SSH2: variants seen among roughly 807,000 people sequenced by gnomAD.
SSH2 encodes protein phosphatase Slingshot homolog 2.
SSH2 carries 37 observed loss-of-function variants against 135.2 expected under a neutral mutation model. The observed-to-expected ratio is 0.27, with a 90% CI of 0.21 to 0.36. SSH2 has a LOEUF of 0.36. Ranked by LOEUF, SSH2 falls within the 10% of genes least tolerant of loss-of-function variation. The probability of loss-of-function intolerance (pLI) is 1.00; values close to 1 mark genes in which losing one functional copy is unlikely to be tolerated. For synonymous variants in SSH2, 628 were observed against 646.2 expected, an observed-to-expected ratio of 0.97 and a Z score of 0.43; for missense variants, 1,408 against 1,765.3, an observed-to-expected ratio of 0.80 and a Z score of 3.63.
chr17:29,775,118 A>T (rs1269523645), intron 3 of SSH2, among the ~76,000 whole-genome samples: 1 of 152,202 alleles, frequency 6.6e-6, no homozygotes, highest in Non-Finnish European at 1.5e-5. Flanking sequence ...CCCTAGTTTC[A>T]ATTTATACAT....
chr17:29,727,826 G>A (rs118099532), intron 3 of SSH2, among the ~76,000 whole-genome samples: 2,082 of 152,254 alleles, frequency 0.014, 22 homozygotes, highest in Middle Eastern at 0.027. Flanking sequence ...GTCCTAGACA[G>A]GGCAATCAGA....
chr17:29,754,906 G>T (rs911048393), intron 3 of SSH2, among the ~76,000 whole-genome samples: 1 of 152,172 alleles, frequency 6.6e-6, no homozygotes, highest in African/African-American at 2.4e-5. Context: ...GGATCCACCT[G>T]CTTCGGCCTC....
chr17:29,856,523 C>T (rs573607198), intron 1 of SSH2, among the ~76,000 whole-genome samples: 44 of 152,206 alleles, frequency 2.9e-4, no homozygotes, highest in African/African-American at 9.9e-4. Flanking sequence ...TGCAGTGAGC[C>T]GTGATCCCAC....
chr17:29,817,436 A>C (rs1173880466), intron 2 of SSH2, among the ~76,000 whole-genome samples: 2 of 152,204 alleles, frequency 1.3e-5, no homozygotes. Flanking sequence ...AGAGAGAAGA[A>C]ATGGTTATAA....
chr17:29,902,080 T>C (rs942672859), intron 1 of SSH2, among the ~76,000 whole-genome samples: 1 of 152,140 alleles, frequency 6.6e-6, no homozygotes, highest in South Asian at 2.1e-4. Flanking sequence ...AACCACCCTG[T>C]CTGGCCATGG....
intron 8 of SSH2, among the ~76,000 whole-genome samples, chr17:29,674,969 G>C (rs2037646147): frequency 6.6e-6 from 1 of 152,166 alleles, no homozygotes; most frequent in South Asian, 2.1e-4. Flanking sequence ...GTTATTACTT[G>C]AATTAAGACT....
At chr17:29,649,471 C>A (rs969941221) in intron 13 of SSH2, among the ~76,000 whole-genome samples, 1 of 152,022 alleles carries the variant, frequency 6.6e-6, no homozygotes, top group African/African-American at 2.4e-5. Flanking sequence ...CAGCCTCAAC[C>A]TCATGGGCTC....
At chr17:29,905,243 T>C (rs996802640) in intron 1 of SSH2, among the ~76,000 whole-genome samples, 1 of 152,110 alleles carries the variant, frequency 6.6e-6, no homozygotes, top group Non-Finnish European at 1.5e-5. Flanking sequence ...CTTCAAACTA[T>C]ACTACAAGGC....
At chr17:29,814,155 G>C (rs181376140) in intron 2 of SSH2, among the ~76,000 whole-genome samples, 1 of 131,418 alleles carries the variant, frequency 7.6e-6, no homozygotes, top group African/African-American at 3.1e-5. Flanking sequence ...AAAAAAAAAG[G>C]CCGGGCACGG....
At chr17:29,848,024 T>C in intron 2 of SSH2, among the ~76,000 whole-genome samples, 1 of 152,198 alleles carries the variant, frequency 6.6e-6, no homozygotes, top group Middle Eastern at 3.2e-3. Context: ...GCAGTACTGT[T>C]CAATAAAAGA....
At chr17:29,879,976 CAAAT>C (rs2066106703) in intron 1 of SSH2, among the ~76,000 whole-genome samples, 1 of 152,008 alleles carries the variant, frequency 6.6e-6, no homozygotes, top group African/African-American at 2.4e-5. Flanking sequence ...TCATGAGACT[CAAAT>C]AAAAAAAAGA....
At chr17:29,812,288 T>C (rs188706303) in intron 2 of SSH2, among the ~76,000 whole-genome samples, 2,151 of 152,142 alleles carry the variant, frequency 0.014, 32 homozygotes, top group South Asian at 0.047. Flanking sequence ...TATATATTTC[T>C]GCCTTTTTTT....
chr17:29,695,547 G>A, intron 4 of SSH2, 24 bp from the exon 5 acceptor site: 2 of 1,596,064 alleles, frequency 1.3e-6, no homozygotes, highest in Non-Finnish European at 1.7e-6. Flanking sequence ...CAAACCAAAG[G>A]ATAATTATTC....
chr17:29,882,621 G>A (rs1013008833), intron 1 of SSH2, among the ~76,000 whole-genome samples: 9 of 152,036 alleles, frequency 5.9e-5, no homozygotes, highest in East Asian at 3.8e-4. Context: ...GCGCAGTGGC[G>A]GGCACCTCTA....
In SSH2 at chr17:29,677,697, G is replaced by A. The variant is rs1209406382; in HGVS notation, c.524C>T (p.Thr175Met). Residue 175 changes from threonine to methionine, a missense_variant, in exon 7 of 16, where the codon ACG becomes ATG. Transcript: ENST00000540801. ...MGLVLPLWSDTLIHLDGDGGF... is the reference protein window; with the variant it reads ...MGLVLPLWSDMLIHLDGDGGF... ...CCCATCACCATCCAAATGAATTAGC[G>A]TGTCGCTCCAGAGAGGCAAAACTAA... is the stretch of plus-strand genomic sequence containing the variant. 1.9e-6 allele frequency: 3 copies of A among 1,614,038 alleles called. No individual in the cohort carries two copies. The highest frequency in any genetic ancestry group is 2.2e-5 in the South Asian group (2 of 91,084).
At chr17:29,647,024 C>T (rs1055509602) in intron 14 of SSH2, among the ~76,000 whole-genome samples, 8 of 151,190 alleles carry the variant, frequency 5.3e-5, no homozygotes, top group Admixed American at 5.3e-4. Flanking sequence ...CTTGTAATCC[C>T]AGCACTTTGG....
chr17:29,666,010 C>T (rs911385634), intron 11 of SSH2, among the ~76,000 whole-genome samples: 19 of 152,276 alleles, frequency 1.2e-4, no homozygotes, highest in African/African-American at 4.3e-4. Flanking sequence ...AGAACTTAGA[C>T]ACATTTGGCA....
chr17:29,746,547 C>CAAAAAAAAAAAA (rs57217896), intron 3 of SSH2, among the ~76,000 whole-genome samples: 1 of 67,938 alleles, frequency 1.5e-5, no homozygotes, highest in African/African-American at 5.9e-5. Context: ...GACTCTGTCT[C>CAAAAAAAAAAAA]AAAAAAAAAA....
At chr17:29,919,995 C>T (rs7207292) in intron 1 of SSH2, among the ~76,000 whole-genome samples, 61,967 of 151,956 alleles carry the variant, frequency 0.41, 14,835 homozygotes, top group East Asian at 0.69. Context: ...CCACAACCTC[C>T]GCCTCCCAGG....
Sources: allele counts gnomAD v4.1 joint callset (sites outside exome capture counted in the v4.1 genomes callset), GRCh38; gene constraint gnomAD v4.1.1; transcripts MANE v1.5; gene names NCBI Gene and HGNC (gene_info 2026-07-23, HGNC 2026-07-21).